The following HMCN1 variants were observed in gnomAD, a reference collection of about 807,000 sequenced individuals.
The protein encoded by HMCN1 is hemicentin-1.
In HMCN1, 321 loss-of-function variants were observed where a neutral mutation model predicts 625.9. That is an observed-to-expected ratio of 0.51 (90% CI 0.47 to 0.56). HMCN1 has a LOEUF of 0.56. Among genes scored for constraint, HMCN1 ranks in the 20% least tolerant of loss-of-function variants. The probability of loss-of-function intolerance (pLI) is 0.00; values close to 1 mark genes in which losing one functional copy is unlikely to be tolerated. For synonymous variants in HMCN1, 2,425 were observed against 2,417.6 expected, an observed-to-expected ratio of 1.00 and a Z score of -0.09; for missense variants, 6,588 against 6,887.3, an observed-to-expected ratio of 0.96 and a Z score of 1.54.
At chr1:185,806,973 T>C (rs1187136566) in intron 1 of HMCN1, among the ~76,000 whole-genome samples, 4 of 152,172 alleles carry the variant, frequency 2.6e-5, no homozygotes, top group Non-Finnish European at 5.9e-5. Context: ...TTCTCGATGA[T>C]TGAAAATCTA....
intron 6 of HMCN1, among the ~76,000 whole-genome samples, chr1:185,921,990 C>A (rs1480553567): frequency 6.6e-6 from 1 of 152,114 alleles, no homozygotes; most frequent in Admixed American, 6.5e-5. Context: ...TAGAATTGAA[C>A]CTGGATGTAT....
chr1:185,752,759 A>T (rs1049189826), intron 1 of HMCN1, among the ~76,000 whole-genome samples: 1 of 152,220 alleles, frequency 6.6e-6, no homozygotes, highest in South Asian at 2.1e-4. Context: ...ATCTTTACCA[A>T]GTATTCAAGG....
At chr1:186,189,434 A>G in intron 106 of HMCN1, 78 bp from the exon 107 acceptor site, 1 of 1,547,166 alleles carries the variant, frequency 6.5e-7, no homozygotes, top group African/African-American at 1.4e-5. Context: ...AAAAGTTGTC[A>G]TGGATCATGA....
intron 50 of HMCN1, among the ~76,000 whole-genome samples, chr1:186,069,159 A>C (rs1049962857): frequency 6.6e-6 from 1 of 152,174 alleles, no homozygotes; most frequent in African/African-American, 2.4e-5. Context: ...GGGGCAGGAA[A>C]TAAGTTCAGC....
rs2102402023 is a variant in HMCN1, at chr1:186,087,557, C to G, written c.9275C>G (p.Thr3092Ser). 6.2e-7 allele frequency: 1 copy of G among 1,613,240 alleles called. No individual in the cohort carries two copies. The highest frequency in any genetic ancestry group is 2.2e-5 in the East Asian group (1 of 44,846). Reference protein sequence around the residue: ...ESNAVPPPVITWYKNGRMITE... With the variant: ...ESNAVPPPVISWYKNGRMITE... ...AACGCTGTGCCACCTCCAGTCATCA[C>G]TTGGTATAAGAATGGGCGGATGATA... Residue 3092 changes from threonine to serine, a missense_variant, in exon 60 of 107, where the codon ACT (threonine) becomes AGT (serine). Coordinates refer to ENST00000271588, the MANE Select transcript of HMCN1 (RefSeq NM_031935.3).
intron 86 of HMCN1, among the ~76,000 whole-genome samples, chr1:186,133,539 CAATGTCACTGGGTTGAG>C (rs1558248568): frequency 6.6e-6 from 1 of 152,174 alleles, no homozygotes; most frequent in Non-Finnish European, 1.5e-5. Context: ...GACCCAAAGA[CAATGTCACTGGGTTGAG>C]AATTTAAGCA....
Position 185,962,523 on chromosome 1 carries a change from C to A in HMCN1, c.1834C>A (p.Pro612Thr). ...ACGTATATTTTTATTTGCAGAACCACCCAAAGTCACTGTGATGCCCAAGAA... is the reference window on the plus strand; with the variant it reads ...ACGTATATTTTTATTTGCAGAACCAACCAAAGTCACTGTGATGCCCAAGAA... ...ASVFLTVQEP[P>T]KVTVMPKNQS... Residue 612 changes from proline to threonine, a missense_variant, in exon 12 of 107, where the codon CCC (proline) becomes ACC (threonine). Physicochemically the swap from Pro to Thr is conservative, Grantham distance 38 (BLOSUM62 -1). Coordinates refer to ENST00000271588, the MANE Select transcript of HMCN1 (RefSeq NM_031935.3). 6.2e-7 allele frequency: 1 copy of A among 1,613,154 alleles called. No individual in the cohort carries two copies. The highest frequency in any genetic ancestry group is 8.5e-7 in the Non-Finnish European group (1 of 1,179,234).
At chr1:185,955,497 G>A (rs2102543080) in intron 11 of HMCN1, among the ~76,000 whole-genome samples, 1 of 152,230 alleles carries the variant, frequency 6.6e-6, no homozygotes, top group African/African-American at 2.4e-5. Flanking sequence ...CTGAATATTT[G>A]AACTTGCTAT....
chr1:185,926,012 G>A (rs535996045), intron 9 of HMCN1, among the ~76,000 whole-genome samples: 2 of 152,284 alleles, frequency 1.3e-5, no homozygotes, highest in South Asian at 4.1e-4. Context: ...TAGGCTAGAG[G>A]CACCGACTTT....
chr1:185,780,187 G>A (rs889509950), intron 1 of HMCN1, among the ~76,000 whole-genome samples: 16 of 152,172 alleles, frequency 1.1e-4, no homozygotes, highest in Middle Eastern at 3.4e-3. Flanking sequence ...TGATTTTTGT[G>A]CATTGATTTT....
intron 11 of HMCN1, among the ~76,000 whole-genome samples, chr1:185,956,081 A>G (rs942423863): frequency 1.3e-5 from 2 of 152,162 alleles, no homozygotes; most frequent in Non-Finnish European, 2.9e-5. Flanking sequence ...GTCATTATTA[A>G]TCATATTATA....
At position 186,145,527 on chromosome 1, in the gene HMCN1, G is replaced by A; in HGVS notation, c.14391G>A (p.Gly4797=). 2 of 1,614,092 alleles carry A rather than the reference G, an allele frequency of 1.2e-6. No individual in the cohort carries two copies. Among genetic ancestry groups the A allele is most frequent in the South Asian group, 2.2e-5 (2 of 91,080 alleles). The part of the protein sequence containing the change: ...PPPSNGGRAC[G]GPDSQIQRCN... ...CCTCCAATGGGGGAAGAGCTTGTGG[G>A]GGACCAGACTCCCAGATCCAGAGGT... is the stretch of plus-strand genomic sequence containing the variant. Residue 4797 remains glycine (G), a synonymous_variant, in exon 92 of 107, where the codon GGG becomes GGA. Coordinates refer to ENST00000271588, the MANE Select transcript of HMCN1 (RefSeq NM_031935.3).
rs1558285041 is a variant in HMCN1 at position 186,178,500 on chromosome 1, C to G, written c.16028C>G (p.Pro5343Arg). The stretch of plus-strand genomic sequence containing the variant: ...GGCAGCTTCAAGTGTATCTGTCCAC[C>G]AGGACAACATTTATTAGGGGACGGG... Reference protein sequence around the residue: ...TPGSFKCICPPGQHLLGDGKS... With the variant: ...TPGSFKCICPRGQHLLGDGKS... The change falls in exon 104 of 107, where the codon CCA becomes CGA. Residue 5343 changes from proline to arginine, a missense_variant. Around this residue, in one of 3 missense-constraint regions of HMCN1, gnomAD observed 1,954 missense variants for 2,013.1 expected, o/e 0.97. Coordinates refer to ENST00000271588, the MANE Select transcript of HMCN1 (RefSeq NM_031935.3). 1 of 1,613,944 alleles carries G rather than the reference C, an allele frequency of 6.2e-7. No individual in the cohort carries two copies. Among genetic ancestry groups the G allele is most frequent in the Non-Finnish European group, 8.5e-7 (1 of 1,179,958 alleles).
intron 42 of HMCN1, among the ~76,000 whole-genome samples, 182 bp from the exon 43 acceptor site, chr1:186,052,770 A>C (rs1196647601): frequency 2.6e-5 from 4 of 152,022 alleles, no homozygotes; most frequent in African/African-American, 9.7e-5. Context: ...TTACATGGGA[A>C]GTCTGCTATT....
chr1:185,991,654 ACATTT>A (rs1287533391), intron 22 of HMCN1, among the ~76,000 whole-genome samples: 5 of 151,932 alleles, frequency 3.3e-5, no homozygotes, highest in Non-Finnish European at 5.9e-5. Context: ...TGCATATTCT[ACATTT>A]TATTTTTTCA....
At chr1:186,081,572 A>AGG in intron 56 of HMCN1, among the ~76,000 whole-genome samples, 178 bp downstream of exon 56, 1 of 152,320 alleles carries the variant, frequency 6.6e-6, no homozygotes, top group Middle Eastern at 3.4e-3. Flanking sequence ...TCCCACTACC[A>AGG]GAGGTTACCA....
chr1:186,188,637 T>C (rs955415955), intron 106 of HMCN1, among the ~76,000 whole-genome samples: 3 of 152,186 alleles, frequency 2.0e-5, no homozygotes, highest in Non-Finnish European at 2.9e-5. Flanking sequence ...TCCTCTTGGA[T>C]AGGCCCTGCT....
At position 186,112,890 on chromosome 1, in the gene HMCN1, T is replaced by C; in HGVS notation, c.11068T>C (p.Tyr3690His). The part of the protein sequence containing the change: ...NNADLGDTAN[Y>H]TCVASNIAGK... ...TGCTGACCTAGGTGATACAGCCAAT[T>C]ATACCTGTGTTGCCAGCAACATTGC... Residue 3690 changes from tyrosine to histidine, a missense_variant, in exon 72 of 107, where the codon TAT (tyrosine) becomes CAT (histidine). This residue lies in a region of HMCN1 where 4,628 missense variants were observed against 4,853.1 expected (regional missense o/e 0.95). Transcript: ENST00000271588. The C allele has an allele frequency of 6.2e-7, 1 of 1,614,134 alleles. No individual in the cohort carries two copies. The highest frequency in any genetic ancestry group is 8.5e-7 in the Non-Finnish European group (1 of 1,179,992).
intron 11 of HMCN1, among the ~76,000 whole-genome samples, chr1:185,937,645 G>C (rs1197330659): frequency 6.6e-6 from 1 of 152,048 alleles, no homozygotes; most frequent in African/African-American, 2.4e-5. Flanking sequence ...ACTTTGGGAG[G>C]CCGAGATGGG....
Sources: allele counts gnomAD v4.1 joint callset (sites outside exome capture counted in the v4.1 genomes callset), GRCh38; gene constraint gnomAD v4.1.1; regional missense constraint gnomAD v4.1.1; transcripts MANE v1.5; gene names NCBI Gene and HGNC (gene_info 2026-07-23, HGNC 2026-07-21).